The following TMEM114 variants were observed in gnomAD, a reference collection of about 807,000 sequenced individuals.
TMEM114 encodes the protein claudin-26.
TMEM114 carries 6 observed loss-of-function variants against 6.2 expected under a neutral mutation model. The observed-to-expected ratio is 0.97, with a 90% CI of 0.53 to 1.91. TMEM114 has a LOEUF of 1.91. Among genes scored for constraint, TMEM114 ranks in the 40% most tolerant of loss-of-function variants. The probability of loss-of-function intolerance (pLI) is 0.01; values close to 1 mark genes in which losing one functional copy is unlikely to be tolerated. For synonymous variants in TMEM114, 104 were observed against 73.0 expected, an observed-to-expected ratio of 1.42 and a Z score of -2.16; for missense variants, 218 against 158.3, an observed-to-expected ratio of 1.38 and a Z score of -2.02.
At chr16:8,577,377 T>A (rs1347278987) in intron 2 of TMEM114, among the ~76,000 whole-genome samples, 1 of 152,190 alleles carries the variant, frequency 6.6e-6, no homozygotes, top group Non-Finnish European at 1.5e-5. Flanking sequence ...GTTCTGTCAT[T>A]CCCTGTTGAT....
At chr16:8,575,216 C>T (rs1174546820) in intron 2 of TMEM114, among the ~76,000 whole-genome samples, 1 of 152,172 alleles carries the variant, frequency 6.6e-6, no homozygotes, top group Non-Finnish European at 1.5e-5. Context: ...GACTGGACCA[C>T]TCTGAGCCTC....
chr16:8,584,733 C>T (rs571419136), intron 2 of TMEM114, among the ~76,000 whole-genome samples: 91 of 151,914 alleles, frequency 6.0e-4, no homozygotes, highest in Non-Finnish European at 5.6e-4. Flanking sequence ...ATCAGCCTGG[C>T]CAACGTGGTG....
intron 2 of TMEM114, among the ~76,000 whole-genome samples, chr16:8,562,028 A>ATGAGTGAGTAAATGAGTGAGTGAG (rs1901238714): frequency 6.9e-6 from 1 of 145,908 alleles, no homozygotes; most frequent in Non-Finnish European, 1.5e-5. Flanking sequence ...GTGTGAGTGA[A>ATGAGTGAGTAAATGAGTGAGTGAG]TGAGTGAGTA....
At chr16:8,572,054 C>T (rs767926329) in intron 3 of TMEM114, 33 bp downstream of exon 3, 1 of 1,499,622 alleles carries the variant, frequency 6.7e-7, no homozygotes, top group Non-Finnish European at 8.9e-7. Context: ...CCCCAGACCA[C>T]AAGCCAGAGC....
rs1901656591 is a variant in TMEM114 at position 8,569,628 on chromosome 16, T to C, written c.*145A>G. ...GATAACAGCCAGGCCCCAAGCTTAGTCCGCGGGGATTTGTGGGGGAAGGAG... is the reference window on the plus strand; with the variant it reads ...GATAACAGCCAGGCCCCAAGCTTAGCCCGCGGGGATTTGTGGGGGAAGGAG... On this transcript the variant is annotated 3_prime_UTR_variant, in exon 4 of 4. Coordinates refer to ENST00000620492, the MANE Select transcript of TMEM114 (RefSeq NM_001146336.2). 1 of 1,437,188 alleles carries C rather than the reference T, an allele frequency of 7.0e-7. No individual in the cohort carries two copies. Among genetic ancestry groups the C allele is most frequent in the Non-Finnish European group, 9.1e-7 (1 of 1,100,222 alleles). The allele number at this position is 1,437,188 out of a possible 1,614,324, so 89.0% of individuals were successfully genotyped here.
chr16:8,550,186 G>A (rs1259667903), intron 2 of TMEM114, among the ~76,000 whole-genome samples: 1 of 152,196 alleles, frequency 6.6e-6, no homozygotes, highest in Admixed American at 6.5e-5. Flanking sequence ...GCAGCTAATT[G>A]GATGGTGTTT....
intron 2 of TMEM114, among the ~76,000 whole-genome samples, chr16:8,547,310 T>C (rs115772060): frequency 0.026 from 4,001 of 152,196 alleles, 144 homozygotes; most frequent in East Asian, 0.15. Context: ...AGACCAGATT[T>C]TGTCTCCGTG....
At chr16:8,572,436 G>A (rs1567207342) in intron 2 of TMEM114, 1 of 607,046 alleles carries the variant, frequency 1.6e-6, no homozygotes, top group Non-Finnish European at 2.9e-6. Context: ...CTTTGTTCTT[G>A]TTGTTTGTTT....
At chr16:8,561,550 C>A (rs1203913798) in intron 2 of TMEM114, among the ~76,000 whole-genome samples, 1 of 152,194 alleles carries the variant, frequency 6.6e-6, no homozygotes, top group Non-Finnish European at 1.5e-5. Context: ...TCAAACAGCA[C>A]CTGGCACATC....
chr16:8,581,795 A>T (rs1902159837), intron 2 of TMEM114, among the ~76,000 whole-genome samples: 1 of 152,182 alleles, frequency 6.6e-6, no homozygotes, highest in Non-Finnish European at 1.5e-5. Flanking sequence ...GTTAGTTTAA[A>T]ATGTGGCCTT....
intron 2 of TMEM114, among the ~76,000 whole-genome samples, chr16:8,572,991 G>C (rs1901786222): frequency 6.6e-6 from 1 of 152,176 alleles, no homozygotes; most frequent in Non-Finnish European, 1.5e-5. Context: ...TGGCTTCACT[G>C]ACTGGAGTGC....
the TMEM114 span, among the ~76,000 whole-genome samples, chr16:8,529,587 A>T: frequency 6.6e-6 from 1 of 152,188 alleles, no homozygotes; most frequent in Non-Finnish European, 1.5e-5. Flanking sequence ...ACTGAATTGG[A>T]ATAGGTAGGC....
At chr16:8,582,341 C>T (rs961418643) in intron 2 of TMEM114, among the ~76,000 whole-genome samples, 17 of 152,260 alleles carry the variant, frequency 1.1e-4, no homozygotes, top group Non-Finnish European at 1.8e-4. Context: ...ACACCACCCT[C>T]CAGAAACACC....
chr16:8,527,222 A>G, the TMEM114 span, among the ~76,000 whole-genome samples: 1 of 152,196 alleles, frequency 6.6e-6, no homozygotes, highest in African/African-American at 2.4e-5. Context: ...ATTAATAAAT[A>G]AATAAATAAC....
At chr16:8,542,603 T>A (rs930052722) in intron 2 of TMEM114, among the ~76,000 whole-genome samples, 2 of 152,174 alleles carry the variant, frequency 1.3e-5, no homozygotes. Flanking sequence ...ACGTTCTAAA[T>A]ATTGATTCTG....
chr16:8,551,458 T>C (rs1301408791), intron 2 of TMEM114, among the ~76,000 whole-genome samples: 2 of 152,102 alleles, frequency 1.3e-5, no homozygotes, highest in Non-Finnish European at 2.9e-5. Context: ...AAAACAAAGA[T>C]GAAAATGTCA....
Position 8,569,558 on chromosome 16 carries a change from T to C in TMEM114, c.*215A>G, listed in dbSNP as rs1901653066. 7.1e-7 allele frequency: 1 copy of C among 1,418,156 alleles called. No homozygotes were observed. Among genetic ancestry groups the C allele is most frequent in the Non-Finnish European group, 9.2e-7 (1 of 1,089,408 alleles). 87.8% of individuals were successfully genotyped at this position (1,418,156 alleles called of 1,614,324 possible). On this transcript the variant is annotated 3_prime_UTR_variant, in exon 4 of 4. Transcript: ENST00000620492. Reference sequence around the variant, plus strand: ...GCGGTTTGGCACTCCCTCGGGCTCCTCCAGGCCACACGGACACACACGGAC... The same window carrying C: ...GCGGTTTGGCACTCCCTCGGGCTCCCCCAGGCCACACGGACACACACGGAC...
At chr16:8,562,553 T>G (rs1319715808) in intron 2 of TMEM114, among the ~76,000 whole-genome samples, 3 of 84,728 alleles carry the variant, frequency 3.5e-5, no homozygotes, top group Non-Finnish European at 7.8e-5. Context: ...AATGAGTGAG[T>G]GCGTCAATGA....
chr16:8,534,338 C>A, downstream of TMEM114, among the ~76,000 whole-genome samples: 1 of 137,650 alleles, frequency 7.3e-6, no homozygotes, highest in African/African-American at 2.8e-5. Flanking sequence ...AAATTTAATG[C>A]AATTTGCTTA....
Sources: allele counts gnomAD v4.1 joint callset (sites outside exome capture counted in the v4.1 genomes callset), GRCh38; gene constraint gnomAD v4.1.1; transcripts MANE v1.5; gene names NCBI Gene and HGNC (gene_info 2026-07-23, HGNC 2026-07-21).